CNTN4: variants seen among roughly 807,000 people sequenced by gnomAD.
The protein encoded by CNTN4 is contactin-4.
In CNTN4, 77 loss-of-function variants were observed where a neutral mutation model predicts 122.5. That is an observed-to-expected ratio of 0.63 (90% CI 0.52 to 0.76). The LOEUF is 0.76. CNTN4 is among the 30% of genes least tolerant of loss of function. The probability of loss-of-function intolerance (pLI) is 0.00; values close to 1 mark genes in which losing one functional copy is unlikely to be tolerated. For missense variants in CNTN4, 1,256 were observed against 1,259.1 expected, an observed-to-expected ratio of 1.00 and a Z score of 0.04; for synonymous variants, 512 against 447.0, an observed-to-expected ratio of 1.15 and a Z score of -1.83.
chr3:2,741,159 T>G (rs2089436796), intron 5 of CNTN4, among the ~76,000 whole-genome samples: 1 of 152,216 alleles, frequency 6.6e-6, no homozygotes, highest in African/African-American at 2.4e-5. Context: ...ATTCAAAGAT[T>G]AATCAACTCT....
chr3:2,426,492 T>C (rs1485896381), intron 3 of CNTN4, among the ~76,000 whole-genome samples: 1 of 152,206 alleles, frequency 6.6e-6, no homozygotes, highest in Non-Finnish European at 1.5e-5. Flanking sequence ...TGAGTATTTT[T>C]GCATCGATGT....
chr3:2,354,486 G>A (rs563276234), intron 3 of CNTN4, among the ~76,000 whole-genome samples: 3 of 152,130 alleles, frequency 2.0e-5, no homozygotes, highest in Non-Finnish European at 4.4e-5. Context: ...AGCCCAGATC[G>A]CACCACTGCA....
At chr3:2,296,628 C>A (rs890105990) in intron 2 of CNTN4, among the ~76,000 whole-genome samples, 5 of 151,820 alleles carry the variant, frequency 3.3e-5, no homozygotes, top group African/African-American at 1.2e-4. Context: ...TGTTACCAAC[C>A]CACCATGACA....
chr3:2,629,607 A>C (rs2082341424), intron 4 of CNTN4: 1 of 445,136 alleles, frequency 2.2e-6, no homozygotes, highest in South Asian at 1.6e-5. Flanking sequence ...GAAAATAGAA[A>C]AGCCTAAGTT....
chr3:2,239,858 C>T (rs754877851), intron 2 of CNTN4, among the ~76,000 whole-genome samples: 9 of 152,108 alleles, frequency 5.9e-5, no homozygotes, highest in African/African-American at 1.9e-4. Context: ...AAGGAAGGCT[C>T]GTCTGTACCC....
At chr3:2,727,147 C>T (rs969827635) in intron 4 of CNTN4, among the ~76,000 whole-genome samples, 1 of 152,134 alleles carries the variant, frequency 6.6e-6, no homozygotes, top group African/African-American at 2.4e-5. Flanking sequence ...CCCAGAAACT[C>T]GGATCAGAAG....
chr3:2,202,181 GCAGTTCTT>G (rs1003948192), intron 2 of CNTN4, among the ~76,000 whole-genome samples: 1 of 152,142 alleles, frequency 6.6e-6, no homozygotes, highest in Non-Finnish European at 1.5e-5. Flanking sequence ...TAGCCATTAA[GCAGTTCTT>G]CATTTTGAAG....
intron 6 of CNTN4, among the ~76,000 whole-genome samples, chr3:2,768,850 C>T (rs1406903390): frequency 1.3e-5 from 2 of 152,128 alleles, no homozygotes; most frequent in Non-Finnish European, 2.9e-5. Context: ...TCATCATCAC[C>T]ATCCCCATCT....
intron 3 of CNTN4, among the ~76,000 whole-genome samples, chr3:2,475,660 G>A (rs745986953): frequency 4.6e-5 from 7 of 152,078 alleles, no homozygotes; most frequent in Non-Finnish European, 8.8e-5. Context: ...TAATTGCCAT[G>A]ATTTAAGCTA....
In CNTN4 at chr3:2,550,505, G is replaced by C. The variant is rs865959388; in HGVS notation, c.-88-20911G>C. On this transcript the variant is annotated intron_variant, in intron 3 of 24. Coordinates refer to ENST00000418658, the MANE Select transcript of CNTN4 (RefSeq NM_175607.3). The stretch of plus-strand genomic sequence containing the variant: ...GAATGCTTTTACACTGTTGGTGGGA[G>C]TGCAAACTAGTTCAACCATTGTGGA... 6.6e-4 allele frequency among the ~76,000 whole-genome samples: 101 copies of C among 152,280 alleles called. 1 individual carries two copies. Among genetic ancestry groups the C allele is most frequent in the Middle Eastern group, 6.8e-3 (2 of 294 alleles).
At chr3:2,317,803 A>T (rs2043155808) in intron 2 of CNTN4, among the ~76,000 whole-genome samples, 1 of 152,178 alleles carries the variant, frequency 6.6e-6, no homozygotes, top group South Asian at 2.1e-4. Flanking sequence ...AAAACGACTG[A>T]TGTGCTAGAA....
At chr3:2,769,835 C>G (rs1031037777) in intron 6 of CNTN4, among the ~76,000 whole-genome samples, 2 of 152,166 alleles carry the variant, frequency 1.3e-5, no homozygotes, top group African/African-American at 2.4e-5. Context: ...CTACAACAAG[C>G]AGATCAAAAA....
intron 4 of CNTN4, among the ~76,000 whole-genome samples, chr3:2,665,983 C>T (rs1461645231): frequency 6.6e-6 from 1 of 152,164 alleles, no homozygotes; most frequent in Non-Finnish European, 1.5e-5. Flanking sequence ...TAGATAGACA[C>T]ATTTTGAAGT....
At chr3:2,629,107 AC>A (rs1340603416) in intron 4 of CNTN4, among the ~76,000 whole-genome samples, 1 of 152,076 alleles carries the variant, frequency 6.6e-6, no homozygotes, top group Non-Finnish European at 1.5e-5. Flanking sequence ...TGAAGCCTTA[AC>A]CCCCAAATGT....
intron 14 of CNTN4, chr3:2,989,099 A>G (rs1694837448): frequency 1.3e-5 from 2 of 152,666 alleles, no homozygotes; most frequent in Admixed American, 6.5e-5. Context: ...AACTATTTCA[A>G]TATTAGCTTC....
intron 2 of CNTN4, among the ~76,000 whole-genome samples, chr3:2,194,504 A>G (rs2037743804): frequency 6.6e-6 from 1 of 152,174 alleles, no homozygotes. Flanking sequence ...ACAGTGTTAT[A>G]TTAATAATAA....
At chr3:2,685,900 T>G (rs1248472332) in intron 4 of CNTN4, among the ~76,000 whole-genome samples, 1 of 152,190 alleles carries the variant, frequency 6.6e-6, no homozygotes, top group Non-Finnish European at 1.5e-5. Flanking sequence ...CATTATACTC[T>G]GTGATTTTGG....
chr3:2,756,312 C>G (rs1238377042), intron 6 of CNTN4, among the ~76,000 whole-genome samples: 2 of 152,066 alleles, frequency 1.3e-5, no homozygotes, highest in Non-Finnish European at 2.9e-5. Context: ...AGGGATCTGC[C>G]CTTGTAAATG....
At chr3:2,115,213 G>A (rs966932702) in intron 2 of CNTN4, among the ~76,000 whole-genome samples, 1 of 152,188 alleles carries the variant, frequency 6.6e-6, no homozygotes. Context: ...AGTAACATAA[G>A]GATGAAGAAA....
Sources: gnomAD v4.1 joint callset for allele counts (sites outside exome capture counted in the v4.1 genomes callset) on GRCh38, gnomAD v4.1.1 for gene constraint, MANE v1.5 for transcripts, NCBI Gene and HGNC (gene_info 2026-07-23, HGNC 2026-07-21) for gene names.